Variants in TENM3 observed in about 807,000 individuals in gnomAD.
TENM3 encodes teneurin transmembrane protein 3.
TENM3 carries 63 observed loss-of-function variants against 255.1 expected under a neutral mutation model. The ratio of observed to expected loss-of-function variants is 0.25; its 90% CI spans 0.20 to 0.30. The LOEUF (loss-of-function observed/expected upper bound fraction) is 0.30. Ranked by LOEUF, TENM3 falls within the 10% of genes least tolerant of loss-of-function variation. TENM3 has a pLI of 1.00. For synonymous variants in TENM3, 1,306 were observed against 1,322.3 expected (o/e 0.99, Z 0.27); for missense variants, 2,929 against 3,461.1 (o/e 0.85, Z 3.86).
chr4:182,084,616 A>T, the TENM3 span, among the ~76,000 whole-genome samples: 1 of 152,206 alleles, frequency 6.6e-6, no homozygotes, highest in South Asian at 2.1e-4. Flanking sequence ...AACAATTAAA[A>T]GGATGCTATT....
chr4:181,616,106 G>C, the TENM3 span, among the ~76,000 whole-genome samples: 1 of 151,882 alleles, frequency 6.6e-6, no homozygotes, highest in African/African-American at 2.4e-5. Context: ...AATGTCAACA[G>C]AGACAATTTG....
the TENM3 span, among the ~76,000 whole-genome samples, chr4:181,754,313 C>T: frequency 6.6e-6 from 1 of 151,778 alleles, no homozygotes; most frequent in Non-Finnish European, 1.5e-5. Flanking sequence ...CACACACACA[C>T]ACACACACAG....
chr4:182,475,714 C>A (rs1024743782), intron 3 of TENM3, among the ~76,000 whole-genome samples: 3 of 152,158 alleles, frequency 2.0e-5, no homozygotes, highest in African/African-American at 7.2e-5. Flanking sequence ...AGCTCACACT[C>A]GGGATTTAAT....
the TENM3 span, among the ~76,000 whole-genome samples, chr4:181,550,202 T>G: frequency 2.0e-5 from 3 of 152,202 alleles, no homozygotes; most frequent in Non-Finnish European, 2.9e-5. Context: ...AGAAACAGAT[T>G]TTTTTCCCCA....
intron 3 of TENM3, among the ~76,000 whole-genome samples, chr4:182,387,732 C>G (rs1019038956): frequency 6.6e-6 from 1 of 152,052 alleles, no homozygotes; most frequent in East Asian, 1.9e-4. Context: ...CAGCTTCACT[C>G]CTGAGCCAGC....
rs1051379927 is a variant in TENM3, at chr4:182,177,962, T to TTG, written c.-76+33209_-76+33210insGT. Among the ~76,000 whole-genome samples, 24 of 136,824 alleles carry TTG rather than the reference T, an allele frequency of 1.8e-4. No individual in the cohort carries two copies. In the South Asian group the frequency reaches 2.5e-3, roughly 14 times the overall value. 89.8% of individuals were successfully genotyped at this position (136,824 alleles called of 152,430 possible). ...ATTTTATATGTTTTGGTTTTTGTTT[T>TTG]TTTTTTTTTTTTTGCTTTAAGAGTT... On this transcript the variant is annotated intron_variant, in intron 1 of 2. Transcript: ENST00000512480.
At chr4:181,895,691 T>C in the TENM3 span, among the ~76,000 whole-genome samples, 5,748 of 151,814 alleles carry the variant, frequency 0.038, 356 homozygotes, top group African/African-American at 0.13. Flanking sequence ...ACTACAGGCA[T>C]GTCACCACAA....
intron 13 of TENM3, among the ~76,000 whole-genome samples, chr4:182,715,928 C>G (rs888473112): frequency 6.6e-6 from 1 of 152,172 alleles, no homozygotes. Context: ...AAACTTGAGC[C>G]ACAAATTCTG....
At chr4:181,951,031 G>A in the TENM3 span, among the ~76,000 whole-genome samples, 1 of 152,178 alleles carries the variant, frequency 6.6e-6, no homozygotes, top group Non-Finnish European at 1.5e-5. Context: ...AACAGAGCAA[G>A]ATCATATCTC....
the TENM3 span, among the ~76,000 whole-genome samples, chr4:181,898,328 A>G: frequency 6.6e-6 from 1 of 152,022 alleles, no homozygotes; most frequent in African/African-American, 2.4e-5. Context: ...TAGTTACCCA[A>G]TTCCAGTGTT....
chr4:181,641,554 GTATATATATATATATATATA>G, the TENM3 span, among the ~76,000 whole-genome samples: 446 of 26,934 alleles, frequency 0.017, 52 homozygotes, highest in South Asian at 0.22. Flanking sequence ...TGGTGTGTGT[GTATATATATATATATATATA>G]TATATATATA....
the TENM3 span, among the ~76,000 whole-genome samples, chr4:181,580,099 G>A: frequency 6.6e-6 from 1 of 151,994 alleles, no homozygotes. Flanking sequence ...CTGGGTTCAA[G>A]CAATTCTCCT....
intron 6 of TENM3, among the ~76,000 whole-genome samples, chr4:182,664,609 C>T (rs895030366): frequency 6.6e-6 from 1 of 152,182 alleles, no homozygotes; most frequent in Non-Finnish European, 1.5e-5. Context: ...GAAAGCTAAG[C>T]CTCCTGCACC....
rs1270936321 is a variant in TENM3 at position 182,641,155 on chromosome 4, ATT to A, written c.988+12267_988+12268del. On this transcript the variant is annotated intron_variant, in intron 5 of 27. Transcript: ENST00000511685. ...CTCGTGCCTACATTACTGAAGGATC[ATT>A]GATTCTGTTTCAAGTTTCCTCTTGA... 2.0e-5 allele frequency among the ~76,000 whole-genome samples: 3 copies of A among 152,220 alleles called. No individual in the cohort carries two copies. The East Asian group carries it at 5.8e-4, about 29-fold the overall frequency.
the TENM3 span, among the ~76,000 whole-genome samples, chr4:181,495,392 C>T: frequency 6.6e-6 from 1 of 152,154 alleles, no homozygotes; most frequent in Non-Finnish European, 1.5e-5. Context: ...TGAAGTCCCT[C>T]TAGAAAACTT....
the TENM3 span, among the ~76,000 whole-genome samples, chr4:181,461,571 A>C: frequency 6.6e-6 from 1 of 152,122 alleles, no homozygotes; most frequent in African/African-American, 2.4e-5. Flanking sequence ...TTCTTTCTGC[A>C]CTTCATTTTG....
the TENM3 span, among the ~76,000 whole-genome samples, chr4:181,477,624 AT>A: frequency 1.3e-5 from 2 of 152,164 alleles, no homozygotes; most frequent in African/African-American, 4.8e-5. Context: ...CAGATGGTGC[AT>A]TTTTTAAAAA....
the TENM3 span, among the ~76,000 whole-genome samples, chr4:181,546,852 T>TG: frequency 1.3e-5 from 2 of 151,544 alleles, no homozygotes; most frequent in African/African-American, 4.9e-5. Flanking sequence ...TTTTTTTGTT[T>TG]TTTTGTTTTT....
chr4:182,066,125 G>T, the TENM3 span, among the ~76,000 whole-genome samples: 2 of 152,088 alleles, frequency 1.3e-5, no homozygotes, highest in Non-Finnish European at 2.9e-5. Flanking sequence ...AATGCACAAG[G>T]GTTCCAATTT....
Sources: gnomAD v4.1 joint callset for allele counts (sites outside exome capture counted in the v4.1 genomes callset) on GRCh38, gnomAD v4.1.1 for gene constraint, MANE v1.5 for transcripts, NCBI Gene and HGNC (gene_info 2026-07-23, HGNC 2026-07-21) for gene names.